Variants in PCDH7 observed in about 807,000 individuals in gnomAD.
PCDH7 encodes the protein protocadherin-7.
A neutral mutation model predicts 58.9 loss-of-function variants in PCDH7; 17 were observed. The ratio of observed to expected loss-of-function variants is 0.29; its 90% CI spans 0.20 to 0.43. The LOEUF is 0.43. PCDH7 is among the 20% of genes least tolerant of loss of function. PCDH7 has a pLI of 1.00. For synonymous variants in PCDH7, 664 were observed against 616.4 expected, an observed-to-expected ratio of 1.08 and a Z score of -1.14; for missense variants, 1,274 against 1,441.0, an observed-to-expected ratio of 0.88 and a Z score of 1.88.
At chr4:30,774,085 T>G (rs1721759302) in intron 1 of PCDH7, among the ~76,000 whole-genome samples, 1 of 152,180 alleles carries the variant, frequency 6.6e-6, no homozygotes, top group East Asian at 1.9e-4. Context: ...TTCAATTTCT[T>G]TTATGTCTCT....
rs1286641377 is a variant in PCDH7, at chr4:30,723,720, G to C, written c.2298G>C (p.Val766=). The C allele has an allele frequency of 5.6e-6, 9 of 1,614,164 alleles. No homozygotes were observed. Among genetic ancestry groups the C allele is most frequent in the Non-Finnish European group, 7.6e-6 (9 of 1,180,024 alleles). ...ATGTCAGGACAGTAGTAGCTACAGT[G>C]TTGGCAACAGACAGTGATGATGGCA... is the stretch of plus-strand genomic sequence containing the variant. Residue 766 remains valine (V), a synonymous_variant, in exon 1 of 2, where the codon GTG becomes GTC. Transcript: ENST00000361762. This position sits in a 1 kb window ranked among gnomAD's most constrained non-coding sequence, Gnocchi z 4.6.
At chr4:30,961,541 G>T (rs1748438570) in intron 3 of PCDH7, among the ~76,000 whole-genome samples, 2 of 151,562 alleles carry the variant, frequency 1.3e-5, no homozygotes, top group Admixed American at 6.6e-5. Flanking sequence ...AACAGAGTGA[G>T]ACTCCATCTC....
At chr4:31,051,486 A>C (rs191487262) in intron 3 of PCDH7, among the ~76,000 whole-genome samples, 5 of 152,294 alleles carry the variant, frequency 3.3e-5, no homozygotes, top group Admixed American at 2.0e-4. Context: ...GCCATAGAAT[A>C]ATAATCCCTG....
chr4:30,939,644 A>C (rs184886985), intron 2 of PCDH7, among the ~76,000 whole-genome samples: 1 of 152,234 alleles, frequency 6.6e-6, no homozygotes, highest in East Asian at 1.9e-4. Context: ...TGATTTGTCA[A>C]ATTTATGGCT....
chr4:31,139,692 A>G, intron 3 of PCDH7, among the ~76,000 whole-genome samples: 1 of 152,264 alleles, frequency 6.6e-6, no homozygotes, highest in East Asian at 1.9e-4. Flanking sequence ...ATCGTAATAC[A>G]GATTGCATTT....
chr4:30,864,432 AACACACAC>A lies in PCDH7; in HGVS notation c.71-55691_71-55684del, dbSNP rs5857208. On this transcript the variant is annotated intron_variant, in intron 1 of 3. Transcript: ENST00000509759. The stretch of plus-strand genomic sequence containing the variant: ...ATCTTAGAAAGAAAAATTATTGGAG[AACACACAC>A]ACACACACACACACACACACACACA... Among the ~76,000 whole-genome samples, 264 of 146,666 alleles carry A rather than the reference AACACACAC, an allele frequency of 1.8e-3. 1 individual carries two copies. Among genetic ancestry groups the A allele is most frequent in the African/African-American group, 5.8e-3 (230 of 39,902 alleles).
intron 1 of PCDH7, among the ~76,000 whole-genome samples, chr4:30,887,563 T>C (rs1737991756): frequency 6.6e-6 from 1 of 152,184 alleles, no homozygotes; most frequent in South Asian, 2.1e-4. Context: ...TAATACTTGA[T>C]AAAATACATA....
intron 1 of PCDH7, among the ~76,000 whole-genome samples, chr4:30,807,100 A>G (rs776874290): frequency 1.7e-4 from 26 of 152,206 alleles, no homozygotes; most frequent in Non-Finnish European, 3.4e-4. Flanking sequence ...TGGATTTCTC[A>G]TGAAGAACTA....
intron 3 of PCDH7, among the ~76,000 whole-genome samples, chr4:31,070,591 A>T (rs1229660018): frequency 6.6e-6 from 1 of 152,098 alleles, no homozygotes; most frequent in African/African-American, 2.4e-5. Context: ...CTCTAAATAT[A>T]TAAGTTGTGT....
At chr4:30,733,363 A>C (rs1277017989), downstream of PCDH7, among the ~76,000 whole-genome samples, 3 of 152,196 alleles carry the variant, frequency 2.0e-5, no homozygotes, top group Non-Finnish European at 4.4e-5. Context: ...CTGGTACTAA[A>C]AGAATAATAA....
chr4:30,761,854 T>G (rs1720073200), intron 1 of PCDH7, among the ~76,000 whole-genome samples: 1 of 152,156 alleles, frequency 6.6e-6, no homozygotes, highest in South Asian at 2.1e-4. Flanking sequence ...GAGAAAAAAA[T>G]TCTCGCTTTA....
intron 3 of PCDH7, among the ~76,000 whole-genome samples, chr4:31,082,509 A>G (rs1711626423): frequency 6.6e-6 from 1 of 152,230 alleles, no homozygotes; most frequent in South Asian, 2.1e-4. Flanking sequence ...AAAAGTTTGG[A>G]TGTCAGGACA....
chr4:31,069,212 A>G (rs770664072), intron 3 of PCDH7, among the ~76,000 whole-genome samples: 1 of 152,058 alleles, frequency 6.6e-6, no homozygotes, highest in African/African-American at 2.4e-5. Flanking sequence ...TACTGCAACC[A>G]TAAAGCAGCC....
At chr4:30,819,544 G>A (rs191486757) in intron 1 of PCDH7, among the ~76,000 whole-genome samples, 234 of 152,240 alleles carry the variant, frequency 1.5e-3, no homozygotes, top group African/African-American at 5.3e-3. Context: ...CTTCGTTGCC[G>A]TTTTGCTAAG....
intron 1 of PCDH7, among the ~76,000 whole-genome samples, chr4:30,864,207 C>T (rs1734575308): frequency 6.6e-6 from 1 of 151,682 alleles, no homozygotes. Flanking sequence ...ACACTAGGAG[C>T]AATTAATTAC....
At chr4:31,021,016 T>C (rs1254404113) in intron 3 of PCDH7, among the ~76,000 whole-genome samples, 1 of 152,230 alleles carries the variant, frequency 6.6e-6, no homozygotes, top group South Asian at 2.1e-4. Flanking sequence ...ATGTTTACAT[T>C]TGAAAATAAA....
At chr4:31,114,563 A>G (rs1418428387) in intron 3 of PCDH7, among the ~76,000 whole-genome samples, 1 of 151,654 alleles carries the variant, frequency 6.6e-6, no homozygotes, top group East Asian at 1.9e-4. Context: ...TTAAAGTATG[A>G]AGTTTATTGG....
intron 1 of PCDH7, among the ~76,000 whole-genome samples, chr4:30,909,117 A>T (rs1206911830): frequency 6.6e-6 from 1 of 152,222 alleles, no homozygotes; most frequent in Non-Finnish European, 1.5e-5. Context: ...AAGACCTTAG[A>T]TAAAATTCAA....
At position 30,722,155 on chromosome 4, in the gene PCDH7, G is replaced by C. The variant is rs746615254; in HGVS notation, c.733G>C (p.Glu245Gln). ...CCCCGGCGGCCGCAGCAGCGTGTTCGAGCTGCAGGTGGCGGACACCCCGGA... is the reference window on the plus strand; with the variant it reads ...CCCCGGCGGCCGCAGCAGCGTGTTCCAGCTGCAGGTGGCGGACACCCCGGA... Residue 245 changes from glutamate (E) to glutamine (Q), a missense_variant, in exon 1 of 2, where the codon GAG becomes CAG. Physicochemically the swap from Glu to Gln is conservative, Grantham distance 29. This residue lies in a region of PCDH7 where 331 missense variants were observed against 303.2 expected (regional missense o/e 1.09). Coordinates refer to ENST00000361762, the Ensembl canonical transcript of PCDH7. The surrounding 1 kb of genome is among the most constrained non-coding windows in gnomAD (Gnocchi z 7.6). 5.3e-6 allele frequency: 8 copies of C among 1,507,394 alleles called. No individual in the cohort carries two copies. The highest frequency in any genetic ancestry group is 1.7e-4 in the Middle Eastern group (1 of 5,768). The allele number at this position is 1,507,394 out of a possible 1,614,324, so 93.4% of individuals were successfully genotyped here.
Sources: gnomAD v4.1 joint callset for allele counts (sites outside exome capture counted in the v4.1 genomes callset) on GRCh38, gnomAD v4.1.1 for gene constraint, gnomAD v4.1.1 regional missense constraint, Gnocchi (gnomAD v3.1) non-coding constraint, MANE v1.5 for transcripts, NCBI Gene and HGNC (gene_info 2026-07-23, HGNC 2026-07-21) for gene names.